NEMP2: variants seen among roughly 807,000 people sequenced by gnomAD.
NEMP2 encodes UPF0571 transmembrane protein.
Under a neutral mutation model 54.2 loss-of-function variants are expected in NEMP2, and 53 were observed. The observed-to-expected ratio is 0.98, with a 90% CI of 0.78 to 1.23. The LOEUF is 1.23. NEMP2 is among the 50% of genes most tolerant of loss of function. The probability of loss-of-function intolerance (pLI) is 0.00; values close to 1 mark genes in which losing one functional copy is unlikely to be tolerated. For missense variants in NEMP2, 455 were observed against 511.3 expected, an observed-to-expected ratio of 0.89 and a Z score of 1.06; for synonymous variants, 197 against 190.3, an observed-to-expected ratio of 1.04 and a Z score of -0.29.
chr2:190,553,963 C>T, the NEMP2 span, among the ~76,000 whole-genome samples: 1 of 152,168 alleles, frequency 6.6e-6, no homozygotes, highest in African/African-American at 2.4e-5. Flanking sequence ...ACTGAGGTAC[C>T]CAGTTCATCT....
At chr2:190,595,462 C>T in the NEMP2 span, among the ~76,000 whole-genome samples, 26 of 152,246 alleles carry the variant, frequency 1.7e-4, 1 homozygote, top group South Asian at 5.2e-3. This position sits in a 1 kb window ranked among gnomAD's most constrained non-coding sequence, Gnocchi z 4.0. Flanking sequence ...TCAGAGTGAA[C>T]AGGCAACATA....
chr2:190,591,555 C>T, the NEMP2 span, among the ~76,000 whole-genome samples: 1 of 152,086 alleles, frequency 6.6e-6, no homozygotes, highest in Non-Finnish European at 1.5e-5. This position sits in a 1 kb window ranked among gnomAD's most constrained non-coding sequence, Gnocchi z 5.4. Flanking sequence ...GAGCTGTTTT[C>T]TCATTTGTTA....
downstream of NEMP2, chr2:190,502,344 G>C (rs1231568166): frequency 6.6e-6 from 1 of 152,132 alleles, no homozygotes; most frequent in Admixed American, 6.6e-5. This position sits in a 1 kb window ranked among gnomAD's most constrained non-coding sequence, Gnocchi z 4.4. Context: ...AACCCCTCTT[G>C]AGATCCCTCA....
the NEMP2 span, among the ~76,000 whole-genome samples, chr2:190,640,457 G>A: frequency 3.1e-3 from 472 of 152,252 alleles, 9 homozygotes; most frequent in African/African-American, 0.011. Context: ...CTGCCACTAT[G>A]AGAAACTTAT....
the NEMP2 span, among the ~76,000 whole-genome samples, chr2:190,586,269 G>A: frequency 2.0e-5 from 3 of 152,202 alleles, no homozygotes; most frequent in Middle Eastern, 3.4e-3. This position sits in a 1 kb window ranked among gnomAD's most constrained non-coding sequence, Gnocchi z 4.5. Context: ...CACAGTGTCT[G>A]ACATGTGATT....
chr2:190,497,897 G>A, the NEMP2 span: 1 of 659,888 alleles, frequency 1.5e-6, no homozygotes, highest in Non-Finnish European at 2.5e-6. The surrounding 1 kb of genome is among the most constrained non-coding windows in gnomAD (Gnocchi z 5.2). Flanking sequence ...TGTATACAAG[G>A]TCCCATAGAG....
chr2:190,643,903 G>C, the NEMP2 span, among the ~76,000 whole-genome samples: 4 of 152,026 alleles, frequency 2.6e-5, no homozygotes, highest in Non-Finnish European at 4.4e-5. Flanking sequence ...CTCCAGCCTG[G>C]GTGACAGAGT....
chr2:190,490,449 G>A, the NEMP2 span, among the ~76,000 whole-genome samples: 115 of 151,834 alleles, frequency 7.6e-4, no homozygotes, highest in Non-Finnish European at 1.4e-3. This position sits in a 1 kb window ranked among gnomAD's most constrained non-coding sequence, Gnocchi z 4.5. Context: ...TGTAATCCCA[G>A]CTACTCAGGA....
the NEMP2 span, among the ~76,000 whole-genome samples, chr2:190,494,376 A>G: frequency 1.3e-3 from 195 of 152,288 alleles, no homozygotes; most frequent in African/African-American, 4.6e-3. The surrounding 1 kb of genome is among the most constrained non-coding windows in gnomAD (Gnocchi z 5.7). Flanking sequence ...CAACAAAAAA[A>G]AGTCCAGGAC....
the NEMP2 span, chr2:190,617,182 T>C: frequency 6.6e-6 from 1 of 152,134 alleles, no homozygotes; most frequent in Non-Finnish European, 1.5e-5. This position sits in a 1 kb window ranked among gnomAD's most constrained non-coding sequence, Gnocchi z 5.0. Context: ...AAAAAATACT[T>C]ACATCATTGA....
chr2:190,440,559 G>A, the NEMP2 span, among the ~76,000 whole-genome samples: 1 of 152,182 alleles, frequency 6.6e-6, no homozygotes, highest in Non-Finnish European at 1.5e-5. Flanking sequence ...GCAGCTATGA[G>A]TAGGATTATA....
the NEMP2 span, among the ~76,000 whole-genome samples, chr2:190,648,720 C>G: frequency 2.6e-4 from 39 of 151,522 alleles, 1 homozygote; most frequent in African/African-American, 8.9e-4. Context: ...CCTCCCCGCG[C>G]CCGGAGCGGG....
the NEMP2 span, chr2:190,477,182 T>C: frequency 3.0e-5 from 26 of 872,518 alleles, no homozygotes; most frequent in Non-Finnish European, 2.9e-5. Context: ...TGTGCACATG[T>C]ACCCTAAAAC....
intron 3 of NEMP2, 23 bp from the exon 4 acceptor site, chr2:190,518,831 AC>A (rs1051869905): frequency 1.3e-6 from 2 of 1,531,520 alleles, no homozygotes; most frequent in African/African-American, 2.8e-5. Context: ...AGACACACAA[AC>A]ACATAACAAA....
chr2:190,537,842 G>A (rs560846088), upstream of NEMP2, among the ~76,000 whole-genome samples: 58 of 152,140 alleles, frequency 3.8e-4, no homozygotes, highest in Admixed American at 7.9e-4. Flanking sequence ...AGGGCATGTC[G>A]GAGACCTTCT....
rs925293995 is a variant in NEMP2, at chr2:190,506,710, T to C, written c.*2479A>G. The stretch of plus-strand genomic sequence containing the variant: ...AAATAACACTTGAATGATACGATTG[T>C]TTAAGCATAGCCACCTACACTATAT... On this transcript the variant is annotated 3_prime_UTR_variant, in exon 9 of 9. Coordinates refer to ENST00000409150, the MANE Select transcript of NEMP2 (RefSeq NM_001142645.2). This position sits in a 1 kb window ranked among gnomAD's most constrained non-coding sequence, Gnocchi z 6.3. The C allele has an allele frequency of 6.6e-6, 1 of 152,208 alleles. No individual in the cohort carries two copies. Among genetic ancestry groups the C allele is most frequent in the Non-Finnish European group, 1.5e-5 (1 of 68,038 alleles). The allele number at this position is 152,208 out of a possible 1,614,324, so 9.4% of individuals were successfully genotyped here. A position where few individuals can be genotyped will look rare whatever the true frequency, so the allele number is the denominator to read the frequency against.
chr2:190,589,144 A>G, the NEMP2 span, among the ~76,000 whole-genome samples: 8 of 152,128 alleles, frequency 5.3e-5, no homozygotes, highest in African/African-American at 7.2e-5. The surrounding 1 kb of genome is among the most constrained non-coding windows in gnomAD (Gnocchi z 4.3). Flanking sequence ...CTGGACTACA[A>G]GTCTCTCTGA....
the NEMP2 span, among the ~76,000 whole-genome samples, chr2:190,562,169 C>G: frequency 6.6e-6 from 1 of 152,180 alleles, no homozygotes; most frequent in Non-Finnish European, 1.5e-5. This position sits in a 1 kb window ranked among gnomAD's most constrained non-coding sequence, Gnocchi z 5.0. Flanking sequence ...AAGAAGTAAG[C>G]TCAGCATCTG....
the NEMP2 span, among the ~76,000 whole-genome samples, chr2:190,617,894 G>T: frequency 6.6e-6 from 1 of 152,008 alleles, no homozygotes; most frequent in Non-Finnish European, 1.5e-5. This position sits in a 1 kb window ranked among gnomAD's most constrained non-coding sequence, Gnocchi z 5.0. Context: ...TCTTGGAAAT[G>T]GTTTTTACGG....
Sources: allele counts gnomAD v4.1 joint callset (sites outside exome capture counted in the v4.1 genomes callset), GRCh38; gene constraint gnomAD v4.1.1; non-coding constraint Gnocchi (gnomAD v3.1); transcripts MANE v1.5; gene names NCBI Gene and HGNC (gene_info 2026-07-23, HGNC 2026-07-21).